The following CNTNAP2 variants were observed in gnomAD, a reference collection of about 807,000 sequenced individuals.
The protein encoded by CNTNAP2 is contactin-associated protein-like 2.
Under a neutral mutation model 155.2 loss-of-function variants are expected in CNTNAP2, and 98 were observed. The ratio of observed to expected loss-of-function variants is 0.63; its 90% confidence interval spans 0.54 to 0.75. The LOEUF is 0.75. Among genes scored for constraint, CNTNAP2 ranks in the 30% least tolerant of loss-of-function variants. CNTNAP2 has a pLI of 0.00. For missense variants in CNTNAP2, 1,727 were observed against 1,688.1 expected (o/e 1.02, Z -0.40); for synonymous variants, 651 against 631.2 (o/e 1.03, Z -0.47).
intron 20 of CNTNAP2, among the ~76,000 whole-genome samples, chr7:148,260,176 T>A (rs1433599720): frequency 6.6e-6 from 1 of 152,204 alleles, no homozygotes; most frequent in African/African-American, 2.4e-5. Flanking sequence ...TCTCGCTATA[T>A]CTGATTTAAA....
chr7:146,619,701 A>G (rs1042747154), intron 1 of CNTNAP2, among the ~76,000 whole-genome samples: 7 of 152,184 alleles, frequency 4.6e-5, no homozygotes, highest in African/African-American at 1.7e-4. Context: ...GTAAGGAGAG[A>G]TCACATCATT....
intron 1 of CNTNAP2, among the ~76,000 whole-genome samples, chr7:146,222,850 G>A (rs918718413): frequency 4.0e-5 from 6 of 151,546 alleles, no homozygotes; most frequent in African/African-American, 1.2e-4. Flanking sequence ...TAGTAGAGAC[G>A]GGGTTTTACC....
chr7:148,114,692 T>A (rs1804428016), intron 15 of CNTNAP2, among the ~76,000 whole-genome samples: 1 of 152,226 alleles, frequency 6.6e-6, no homozygotes, highest in South Asian at 2.1e-4. Context: ...CATGATTTAT[T>A]ATTTGTACCA....
intron 4 of CNTNAP2, among the ~76,000 whole-genome samples, chr7:147,103,064 A>G (rs1800688012): frequency 6.6e-6 from 1 of 152,172 alleles, no homozygotes; most frequent in Non-Finnish European, 1.5e-5. Flanking sequence ...TAATTTTTTA[A>G]TGAAGTATGA....
At chr7:146,413,016 G>A (rs1399079357) in intron 1 of CNTNAP2, among the ~76,000 whole-genome samples, 1 of 152,164 alleles carries the variant, frequency 6.6e-6, no homozygotes, top group African/African-American at 2.4e-5. Flanking sequence ...GTGGCTGATT[G>A]TCGGTGAATC....
intron 1 of CNTNAP2, among the ~76,000 whole-genome samples, chr7:146,421,284 G>A (rs1244239518): frequency 1.3e-5 from 2 of 152,012 alleles, no homozygotes; most frequent in African/African-American, 4.8e-5. Context: ...ATAGCATCAA[G>A]TTGGCTATCA....
chr7:146,534,617 T>C (rs1044443677), intron 1 of CNTNAP2, among the ~76,000 whole-genome samples: 8 of 152,078 alleles, frequency 5.3e-5, no homozygotes, highest in African/African-American at 1.7e-4. Context: ...TAATCTTTCT[T>C]GGCCACTGAG....
At chr7:146,464,015 T>C (rs980187441) in intron 1 of CNTNAP2, among the ~76,000 whole-genome samples, 1 of 152,128 alleles carries the variant, frequency 6.6e-6, no homozygotes, top group Non-Finnish European at 1.5e-5. Context: ...ATATACAATG[T>C]GTTTGATCCT....
intron 20 of CNTNAP2, among the ~76,000 whole-genome samples, chr7:148,253,496 G>A (rs759604221): frequency 4.6e-5 from 7 of 152,164 alleles, no homozygotes; most frequent in East Asian, 1.9e-4. Flanking sequence ...AATCTAAAGC[G>A]CCTTGAGCCC....
At chr7:147,657,916 T>C (rs554943523) in intron 13 of CNTNAP2, among the ~76,000 whole-genome samples, 8 of 152,174 alleles carry the variant, frequency 5.3e-5, no homozygotes, top group Non-Finnish European at 1.0e-4. Context: ...CCTCAAATTC[T>C]AGTAGCTGAA....
intron 13 of CNTNAP2, among the ~76,000 whole-genome samples, chr7:147,799,036 T>G (rs1291902034): frequency 6.6e-6 from 1 of 152,302 alleles, no homozygotes; most frequent in African/African-American, 2.4e-5. Context: ...AAGCAGCCAG[T>G]GTAAAACCCC....
intron 3 of CNTNAP2, among the ~76,000 whole-genome samples, chr7:146,916,575 G>A (rs1157117894): frequency 6.6e-6 from 1 of 151,962 alleles, no homozygotes; most frequent in African/African-American, 2.4e-5. Flanking sequence ...TATATTTCCA[G>A]GAATTTATCC....
chr7:146,723,093 G>A (rs1482894316), intron 1 of CNTNAP2, among the ~76,000 whole-genome samples: 1 of 152,084 alleles, frequency 6.6e-6, no homozygotes, highest in Non-Finnish European at 1.5e-5. Context: ...TTGCAGATAG[G>A]GTCCTAGCAG....
At position 148,155,185 on chromosome 7, in the gene CNTNAP2, G is replaced by A. The variant is rs57434217; in HGVS notation, c.2773+7476G>A. 9.8e-3 allele frequency among the ~76,000 whole-genome samples: 1,497 copies of A among 152,220 alleles called. 25 individuals carry two copies. The highest frequency in any genetic ancestry group is 0.033 in the African/African-American group (1,389 of 41,534). ...AAGATTAGTTGACTTACCGAAGGTC[G>A]TGCATTTAGGAAGAGACAGAGATGG... On this transcript the variant is annotated intron_variant, in intron 17 of 23. Coordinates refer to ENST00000361727, the MANE Select transcript of CNTNAP2 (RefSeq NM_014141.6).
chr7:146,576,799 G>A (rs1484086553), intron 1 of CNTNAP2, among the ~76,000 whole-genome samples: 1 of 152,016 alleles, frequency 6.6e-6, no homozygotes. Context: ...TATCTATCTC[G>A]ATGGATCATG....
At chr7:147,016,496 A>C (rs1260604609) in intron 3 of CNTNAP2, among the ~76,000 whole-genome samples, 1 of 152,078 alleles carries the variant, frequency 6.6e-6, no homozygotes, top group African/African-American at 2.4e-5. Flanking sequence ...TCAGAAATCC[A>C]TACAAACTAC....
chr7:147,971,300 A>G (rs1282256904), intron 14 of CNTNAP2, among the ~76,000 whole-genome samples: 1 of 152,190 alleles, frequency 6.6e-6, no homozygotes, highest in Non-Finnish European at 1.5e-5. Context: ...AGTATAATTT[A>G]AATACCATAA....
At chr7:148,259,877 A>C (rs145681595) in intron 20 of CNTNAP2, among the ~76,000 whole-genome samples, 89 of 152,352 alleles carry the variant, frequency 5.8e-4, no homozygotes, top group African/African-American at 2.0e-3. Context: ...GTTAGTGTTC[A>C]CTCAAGGTTG....
At chr7:146,649,865 C>T (rs1309146537) in intron 1 of CNTNAP2, among the ~76,000 whole-genome samples, 1 of 152,004 alleles carries the variant, frequency 6.6e-6, no homozygotes, top group Non-Finnish European at 1.5e-5. Context: ...TCTGAAAAGA[C>T]ACTTCTCAAA....
Sources: allele counts gnomAD v4.1 joint callset (sites outside exome capture counted in the v4.1 genomes callset), GRCh38; gene constraint gnomAD v4.1.1; transcripts MANE v1.5; gene names NCBI Gene and HGNC (gene_info 2026-07-23, HGNC 2026-07-21).